The following C13orf46 variants were observed in gnomAD, a reference collection of about 807,000 sequenced individuals.
The protein encoded by C13orf46 is uncharacterized protein C13orf46.
chr13:113,961,490 G>GTTTTTTTTTT (rs2052586296), intron 6 of C13orf46, among the ~76,000 whole-genome samples: 3 of 115,774 alleles, frequency 2.6e-5, no homozygotes, highest in Non-Finnish European at 6.2e-5. Context: ...CTGTTTTCTT[G>GTTTTTTTTTT]TTGGTTAGAA....
chr13:113,950,297 C>T (rs1443263864), downstream of C13orf46, among the ~76,000 whole-genome samples: 394 of 124,456 alleles, frequency 3.2e-3, 3 homozygotes, highest in Admixed American at 0.015. Flanking sequence ...AGAGTGGGGT[C>T]ATCACTCTTG....
chr13:113,971,068 G>C (rs1008619885), intron 1 of C13orf46, among the ~76,000 whole-genome samples: 10 of 152,254 alleles, frequency 6.6e-5, no homozygotes, highest in Non-Finnish European at 1.2e-4. Flanking sequence ...GATTCTCCAA[G>C]CCCTAGGTGC....
the C13orf46 span, chr13:113,927,370 G>A: frequency 2.5e-6 from 1 of 394,350 alleles, no homozygotes; most frequent in Non-Finnish European, 4.5e-6. Context: ...CTGCAGCTGG[G>A]GCTGCTCTGG....
chr13:113,958,057 C>CA (rs1555316748), intron 6 of C13orf46, among the ~76,000 whole-genome samples: 6 of 127,890 alleles, frequency 4.7e-5, no homozygotes, highest in East Asian at 5.1e-4. Flanking sequence ...TCAAGTGCAC[C>CA]GGGGGGGTCT....
At chr13:113,966,560 C>A (rs996124229) in intron 5 of C13orf46, among the ~76,000 whole-genome samples, 1 of 128,618 alleles carries the variant, frequency 7.8e-6, no homozygotes, top group Non-Finnish European at 1.7e-5. Context: ...GTAATAGTGA[C>A]GATGATGGTG....
chr13:113,971,194 A>G (rs12019516), intron 1 of C13orf46, among the ~76,000 whole-genome samples: 45,683 of 151,868 alleles, frequency 0.3, 7,736 homozygotes, highest in East Asian at 0.45. Flanking sequence ...TTCCCACAAC[A>G]CCCCCTTGGC....
intron 1 of C13orf46, among the ~76,000 whole-genome samples, chr13:113,972,575 G>A (rs1352571786): frequency 1.3e-5 from 2 of 152,178 alleles, no homozygotes; most frequent in Non-Finnish European, 2.9e-5. Context: ...CAAGGTGTGA[G>A]GAGGTGACTG....
the C13orf46 span, among the ~76,000 whole-genome samples, chr13:113,939,642 T>C: frequency 6.6e-6 from 1 of 152,226 alleles, no homozygotes; most frequent in Non-Finnish European, 1.5e-5. Flanking sequence ...CTCCAGGTTC[T>C]TAGCCGTGAA....
At chr13:113,972,405 G>C (rs1011502134) in intron 1 of C13orf46, among the ~76,000 whole-genome samples, 1 of 152,226 alleles carries the variant, frequency 6.6e-6, no homozygotes, top group Non-Finnish European at 1.5e-5. Context: ...CCCAGGGCTT[G>C]AGCAAGCAAA....
chr13:113,933,794 C>T, the C13orf46 span, among the ~76,000 whole-genome samples: 2 of 152,294 alleles, frequency 1.3e-5, no homozygotes, highest in Admixed American at 6.5e-5. Context: ...AGAGGGGTCC[C>T]ACATTCCATT....
chr13:113,972,939 G>A (rs2052724320), intron 1 of C13orf46, among the ~76,000 whole-genome samples: 1 of 152,218 alleles, frequency 6.6e-6, no homozygotes, highest in Admixed American at 6.5e-5. Flanking sequence ...GCAGCGCAAG[G>A]CCTTCCCAGC....
intron 4 of C13orf46, among the ~76,000 whole-genome samples, chr13:113,967,603 T>A (rs1041965735): frequency 6.6e-6 from 1 of 152,086 alleles, no homozygotes; most frequent in Admixed American, 6.5e-5. Flanking sequence ...GGTGCCCATG[T>A]AGGAGAAGGA....
At chr13:113,944,174 C>A in the C13orf46 span, among the ~76,000 whole-genome samples, 2 of 152,150 alleles carry the variant, frequency 1.3e-5, no homozygotes, top group Admixed American at 6.5e-5. Flanking sequence ...CAGGGCTCAT[C>A]TTGTCCTGGA....
the C13orf46 span, among the ~76,000 whole-genome samples, chr13:113,948,066 G>T: frequency 2.0e-5 from 3 of 152,250 alleles, no homozygotes; most frequent in Non-Finnish European, 2.9e-5. Context: ...AGGGACTCAG[G>T]GGACTTCTCA....
the C13orf46 span, chr13:113,927,478 G>A: frequency 4.0e-5 from 16 of 398,562 alleles, no homozygotes; most frequent in Admixed American, 1.8e-4. Context: ...ACAAGTCCTG[G>A]GCTATCTCCT....
chr13:113,935,450 C>A, the C13orf46 span, among the ~76,000 whole-genome samples: 37 of 152,376 alleles, frequency 2.4e-4, no homozygotes, highest in African/African-American at 8.4e-4. Context: ...ACAAACAGAG[C>A]CCGGGGTAGC....
the C13orf46 span, among the ~76,000 whole-genome samples, chr13:113,931,523 G>A: frequency 1.3e-5 from 2 of 152,290 alleles, no homozygotes; most frequent in African/African-American, 2.4e-5. Context: ...GGGGATGAGC[G>A]CCCCTCAGAC....
At chr13:113,960,076 C>T (rs2052575366) in intron 6 of C13orf46, among the ~76,000 whole-genome samples, 1 of 151,948 alleles carries the variant, frequency 6.6e-6, no homozygotes, top group Non-Finnish European at 1.5e-5. Flanking sequence ...CATGGTGAAA[C>T]CTTGTCTCTA....
At chr13:113,942,119 G>A in the C13orf46 span, among the ~76,000 whole-genome samples, 1 of 152,256 alleles carries the variant, frequency 6.6e-6, no homozygotes, top group African/African-American at 2.4e-5. Flanking sequence ...AAAACGCACA[G>A]AGGCCGTGCT....
Sources: gnomAD v4.1 joint callset for allele counts (sites outside exome capture counted in the v4.1 genomes callset) on GRCh38, gnomAD v4.1.1 for gene constraint, MANE v1.5 for transcripts, NCBI Gene and HGNC (gene_info 2026-07-23, HGNC 2026-07-21) for gene names.